The following KCTD2 variants were observed in gnomAD, a reference collection of about 807,000 sequenced individuals.
KCTD2 encodes potassium channel tetramerization domain containing 2, also known as BTB/POZ domain-containing protein KCTD2.
A neutral mutation model predicts 27.9 loss-of-function variants in KCTD2; 18 were observed. The observed-to-expected ratio is 0.64, with a 90% confidence interval of 0.45 to 0.96. The LOEUF (loss-of-function observed/expected upper bound fraction) is 0.96, where lower values mean the gene tolerates loss of function less well. Ranked by LOEUF, KCTD2 falls within the 40% of genes least tolerant of loss-of-function variation. The pLI, the probability that KCTD2 is intolerant of heterozygous loss-of-function variation, is 0.00. For missense variants in KCTD2, 280 were observed against 348.0 expected, an observed-to-expected ratio of 0.80 and a Z score of 1.56; for synonymous variants, 175 against 148.4, an observed-to-expected ratio of 1.18 and a Z score of -1.30.
At chr17:75,049,586 C>G (rs138283109) in intron 2 of KCTD2, among the ~76,000 whole-genome samples, 2 of 152,138 alleles carry the variant, frequency 1.3e-5, no homozygotes, top group African/African-American at 4.8e-5. Flanking sequence ...GAGTTCTTTC[C>G]GAATCTCCAG....
At chr17:75,045,563 T>C (rs905941081), upstream of KCTD2, among the ~76,000 whole-genome samples, 5 of 152,250 alleles carry the variant, frequency 3.3e-5, no homozygotes, top group African/African-American at 9.6e-5. Flanking sequence ...GGATATCCCA[T>C]GCTGAGAAAA....
intron 2 of KCTD2, among the ~76,000 whole-genome samples, chr17:75,052,431 C>A (rs1298895887): frequency 6.6e-6 from 1 of 152,034 alleles, no homozygotes; most frequent in Non-Finnish European, 1.5e-5. Flanking sequence ...GCGAAAAATA[C>A]AAAAATTGGC....
At chr17:75,060,587 G>A (rs992996796) in intron 4 of KCTD2, 10 of 1,610,160 alleles carry the variant, frequency 6.2e-6, no homozygotes, top group Middle Eastern at 1.9e-4. Flanking sequence ...GCAGCTGGCC[G>A]GCGCCGGCCT....
intron 1 of KCTD2, among the ~76,000 whole-genome samples, chr17:75,048,218 G>A (rs1354166678): frequency 2.6e-5 from 4 of 152,182 alleles, no homozygotes; most frequent in Non-Finnish European, 5.9e-5. Context: ...AAGACAGAAG[G>A]AAAATGAAAA....
At chr17:75,052,688 A>C (rs559139257) in intron 2 of KCTD2, among the ~76,000 whole-genome samples, 1 of 152,258 alleles carries the variant, frequency 6.6e-6, no homozygotes, top group East Asian at 1.9e-4. Flanking sequence ...ATGCCATTGC[A>C]CTCCAACCTG....
rs2073445966 is a variant in KCTD2 at position 75,065,289 on chromosome 17, G to A, written c.*2242G>A. ...TTGTTCCAGCGCTCCAGGACTCTGGGTTCTTAAGATTTCTGGGAGCGTTGT... is the reference window on the plus strand; with the variant it reads ...TTGTTCCAGCGCTCCAGGACTCTGGATTCTTAAGATTTCTGGGAGCGTTGT... On this transcript the variant is annotated 3_prime_UTR_variant, in exon 6 of 6. Transcript: ENST00000322444. The A allele has an allele frequency of 6.6e-6, 1 of 152,218 alleles. No homozygotes were observed. Among genetic ancestry groups the A allele is most frequent in the Non-Finnish European group, 1.5e-5 (1 of 68,052 alleles). 9.4% of individuals were successfully genotyped at this position (152,218 alleles called of 1,614,324 possible). A position where few individuals can be genotyped will look rare whatever the true frequency, so the allele number is the denominator to read the frequency against.
In KCTD2 at chr17:75,063,542, C is replaced by G. The variant is rs1476461868; in HGVS notation, c.*495C>G. On this transcript the variant is annotated 3_prime_UTR_variant, in exon 6 of 6. Coordinates refer to ENST00000322444, the MANE Select transcript of KCTD2 (RefSeq NM_015353.3). ...AGACGTGCAGCAGATGCAAAGGGTTCTAGCTGCAGTTTGTCGAATTGAGGT... is the reference window on the plus strand; with the variant it reads ...AGACGTGCAGCAGATGCAAAGGGTTGTAGCTGCAGTTTGTCGAATTGAGGT... The G allele has an allele frequency of 1.9e-5, 3 of 161,764 alleles. No individual in the cohort carries two copies. The highest frequency in any genetic ancestry group is 4.1e-5 in the Non-Finnish European group (3 of 73,062). The allele number at this position is 161,764 out of a possible 1,614,324, so 10.0% of individuals were successfully genotyped here.
At chr17:75,052,888 C>T (rs576340440) in intron 2 of KCTD2, 126 bp from the exon 3 acceptor site, 92 of 732,450 alleles carry the variant, frequency 1.3e-4, no homozygotes, top group Middle Eastern at 4.7e-4. Flanking sequence ...AGTAAGACTC[C>T]GTCTCAAAAA....
chr17:75,047,654 C>T, intron 1 of KCTD2, 65 bp downstream of exon 1: 1 of 1,516,040 alleles, frequency 6.6e-7, no homozygotes, highest in Non-Finnish European at 8.8e-7. Context: ...AGATCGGTCC[C>T]CAGAGTCCTG....
rs757366994 is a variant in KCTD2 at position 75,047,466 on chromosome 17, C to T, written c.216C>T (p.Arg72=). Residue 72 remains arginine (R), a synonymous_variant, in exon 1 of 6, where the codon CGC becomes CGT. Coordinates refer to ENST00000322444, the MANE Select transcript of KCTD2 (RefSeq NM_015353.3). The part of the protein sequence containing the change: ...PERAGGGGAA[R]WVRLNVGGTY... ...GGGCAGGGGGCGGCGGCGCGGCCCG[C>T]TGGGTCAGGCTGAACGTGGGAGGCA... 4 of 1,559,920 alleles carry T rather than the reference C, an allele frequency of 2.6e-6. No individual in the cohort carries two copies. The highest frequency in any genetic ancestry group is 2.6e-6 in the Non-Finnish European group (3 of 1,154,402).
chr17:75,054,680 G>C (rs528332994), intron 3 of KCTD2, among the ~76,000 whole-genome samples: 33 of 152,186 alleles, frequency 2.2e-4, no homozygotes, highest in African/African-American at 7.9e-4. Flanking sequence ...GGTGATGGGT[G>C]CCTGTAGTCC....
chr17:75,057,148 A>T (rs558354187), intron 3 of KCTD2, among the ~76,000 whole-genome samples: 9 of 151,758 alleles, frequency 5.9e-5, no homozygotes, highest in Non-Finnish European at 1.2e-4. Flanking sequence ...GAGACAGGGT[A>T]TCCCCATGTT....
At chr17:75,043,333 C>T (rs1235816790), upstream of KCTD2, among the ~76,000 whole-genome samples, 6 of 151,308 alleles carry the variant, frequency 4.0e-5, no homozygotes, top group Non-Finnish European at 5.9e-5. Flanking sequence ...CTCTCTTGGC[C>T]GGGCGCAGTG....
At chr17:75,040,306 A>C (rs1034836353) in intron 3 of KCTD2, 13 of 934,712 alleles carry the variant, frequency 1.4e-5, no homozygotes, top group Admixed American at 4.0e-5. Context: ...TCTGTGTCCC[A>C]AGCGGAAACG....
chr17:75,061,158 C>G (rs1453520841), intron 4 of KCTD2, among the ~76,000 whole-genome samples: 4 of 152,308 alleles, frequency 2.6e-5, no homozygotes, highest in Non-Finnish European at 5.9e-5. Flanking sequence ...CCTATTGCCT[C>G]CCTTCTGGAT....
intron 3 of KCTD2, chr17:75,039,832 G>A (rs545387889): frequency 3.2e-5 from 15 of 474,940 alleles, no homozygotes; most frequent in African/African-American, 1.6e-4. Context: ...ACCATCCCCA[G>A]GCAGCCACTG....
chr17:75,039,104 A>G, intron 3 of KCTD2: 3 of 1,612,580 alleles, frequency 1.9e-6, no homozygotes, highest in Non-Finnish European at 2.5e-6. Flanking sequence ...GTAAACAGAG[A>G]CGGAAAGCAG....
chr17:75,063,337 G>A lies in KCTD2; in HGVS notation c.*290G>A. Reference sequence around the variant, plus strand: ...AGCAGCTGGGCTGGGTTCCCAGTCGGAGCCTTTCGGGGATCTGGGGGATGA... The same window carrying A: ...AGCAGCTGGGCTGGGTTCCCAGTCGAAGCCTTTCGGGGATCTGGGGGATGA... On this transcript the variant is annotated 3_prime_UTR_variant, in exon 6 of 6. Transcript: ENST00000322444. 1 of 444,060 alleles carries A rather than the reference G, an allele frequency of 2.3e-6. No individual in the cohort carries two copies. 27.5% of individuals were successfully genotyped at this position (444,060 alleles called of 1,614,324 possible). A position where few individuals can be genotyped will look rare whatever the true frequency, so the allele number is the denominator to read the frequency against.
intron 3 of KCTD2, among the ~76,000 whole-genome samples, chr17:75,054,927 C>T (rs1357475045): frequency 6.6e-6 from 1 of 152,140 alleles, no homozygotes; most frequent in African/African-American, 2.4e-5. Context: ...CAGAGTCGTG[C>T]TCCACCATGA....
Sources: allele counts gnomAD v4.1 joint callset (sites outside exome capture counted in the v4.1 genomes callset), GRCh38; gene constraint gnomAD v4.1.1; transcripts MANE v1.5; gene names NCBI Gene and HGNC (gene_info 2026-07-23, HGNC 2026-07-21).